Variants in NEO1 observed in about 807,000 individuals in gnomAD.
NEO1 encodes the protein neogenin.
A neutral mutation model predicts 159.7 loss-of-function variants in NEO1; 63 were observed. The observed-to-expected ratio is 0.39, with a 90% confidence interval of 0.32 to 0.49. The LOEUF (loss-of-function observed/expected upper bound fraction) is 0.49, where lower values mean the gene tolerates loss of function less well. NEO1 is among the 20% of genes least tolerant of loss of function. The pLI, the probability that NEO1 is intolerant of heterozygous loss-of-function variation, is 0.85. For synonymous variants in NEO1, 633 were observed against 662.0 expected, an observed-to-expected ratio of 0.96 and a Z score of 0.67; for missense variants, 1,615 against 1,831.0, an observed-to-expected ratio of 0.88 and a Z score of 2.15.
intron 21 of NEO1, among the ~76,000 whole-genome samples, chr15:73,277,233 C>T (rs2041462864): frequency 6.6e-6 from 1 of 152,288 alleles, no homozygotes; most frequent in Middle Eastern, 3.4e-3. Flanking sequence ...TTCTTTCAGA[C>T]CTCTTTTTCA....
intron 26 of NEO1, among the ~76,000 whole-genome samples, chr15:73,296,568 C>G (rs570710042): frequency 2.0e-5 from 3 of 152,308 alleles, no homozygotes; most frequent in Admixed American, 1.3e-4. Flanking sequence ...CACAGATTCA[C>G]TGCTACTTCA....
intron 1 of NEO1, among the ~76,000 whole-genome samples, chr15:73,061,608 A>C (rs1417268438): frequency 1.3e-5 from 2 of 152,198 alleles, no homozygotes; most frequent in African/African-American, 4.8e-5. Flanking sequence ...TGGATTTTTA[A>C]TTTGGGGGTA....
chr15:73,164,215 T>TTG (rs1374727510), intron 5 of NEO1, among the ~76,000 whole-genome samples: 5 of 149,466 alleles, frequency 3.3e-5, no homozygotes, highest in African/African-American at 1.2e-4. Flanking sequence ...TATTGGTTTT[T>TTG]TTTTTTTTTT....
At chr15:73,138,779 A>G (rs898590910) in intron 5 of NEO1, among the ~76,000 whole-genome samples, 5 of 151,034 alleles carry the variant, frequency 3.3e-5, no homozygotes, top group African/African-American at 1.2e-4. Context: ...AAACAAAAAA[A>G]CAAAAAAACA....
chr15:73,075,249 C>T (rs1478323955), intron 1 of NEO1, among the ~76,000 whole-genome samples: 3 of 151,816 alleles, frequency 2.0e-5, no homozygotes, highest in Non-Finnish European at 4.4e-5. Flanking sequence ...TTTGTGGGGG[C>T]GGGAAAGGGA....
intron 1 of NEO1, among the ~76,000 whole-genome samples, chr15:73,103,926 C>T (rs1384175723): frequency 6.6e-6 from 1 of 152,184 alleles, no homozygotes; most frequent in African/African-American, 2.4e-5. Context: ...ATGATCATGG[C>T]TCACTATGTC....
chr15:73,224,500 A>G (rs527930302), intron 7 of NEO1, among the ~76,000 whole-genome samples: 4 of 152,054 alleles, frequency 2.6e-5, no homozygotes, highest in African/African-American at 7.2e-5. Context: ...GGCTTTGTTC[A>G]TATTTTCTTA....
At chr15:73,230,015 C>T (rs1053950856) in intron 7 of NEO1, among the ~76,000 whole-genome samples, 5 of 152,096 alleles carry the variant, frequency 3.3e-5, no homozygotes, top group African/African-American at 1.2e-4. Context: ...GTGTTTCTTT[C>T]TTTTCTTTGT....
At chr15:73,071,846 T>C (rs1246236007) in intron 1 of NEO1, among the ~76,000 whole-genome samples, 1 of 152,150 alleles carries the variant, frequency 6.6e-6, no homozygotes, top group African/African-American at 2.4e-5. Context: ...TCTTTATAAC[T>C]GAATATTGAA....
chr15:73,267,595 G>T (rs2040970544), intron 16 of NEO1, among the ~76,000 whole-genome samples: 1 of 138,968 alleles, frequency 7.2e-6, no homozygotes, highest in East Asian at 2.1e-4. Context: ...GTGTCCATGT[G>T]TTCTCATTGT....
intron 23 of NEO1, among the ~76,000 whole-genome samples, chr15:73,285,604 A>G (rs2037956096): frequency 6.6e-6 from 1 of 151,836 alleles, no homozygotes; most frequent in African/African-American, 2.4e-5. Context: ...TTTTCTTCCT[A>G]CTTTTCTTCC....
chr15:73,130,703 A>G (rs2030997123), intron 4 of NEO1, among the ~76,000 whole-genome samples: 2 of 152,182 alleles, frequency 1.3e-5, no homozygotes, highest in Admixed American at 1.3e-4. Flanking sequence ...GGCCCCTCCC[A>G]TGTAAGTAGA....
intron 8 of NEO1, among the ~76,000 whole-genome samples, chr15:73,237,572 T>C (rs2039247389): frequency 2.6e-5 from 4 of 152,220 alleles, no homozygotes; most frequent in African/African-American, 9.6e-5. Context: ...TACATTGTAG[T>C]TAATACCAGA....
rs375792572 is a variant in NEO1, at chr15:73,203,695, G to T, written c.1291+25268G>T. ...GTTTTTAACTAACCTAGGTTCTTAA[G>T]ACAACACTATACTGCTTCATTTGTA... On this transcript the variant is annotated intron_variant, in intron 7 of 28. Coordinates refer to ENST00000261908, the MANE Select transcript of NEO1 (RefSeq NM_002499.4). Among the ~76,000 whole-genome samples, 55 of 152,102 alleles carry T rather than the reference G, an allele frequency of 3.6e-4. 1 individual carries two copies. In the East Asian group the frequency reaches 8.7e-3, roughly 24 times the overall value.
intron 1 of NEO1, among the ~76,000 whole-genome samples, chr15:73,083,749 A>G (rs1213716577): frequency 6.6e-6 from 1 of 152,112 alleles, no homozygotes; most frequent in Non-Finnish European, 1.5e-5. Flanking sequence ...CCTTATTACT[A>G]GCTGTATGGC....
In NEO1 at chr15:73,290,043, G is replaced by A. The variant is rs185268934; in HGVS notation, c.3742+805G>A. On this transcript the variant is annotated intron_variant, in intron 25 of 28. Coordinates refer to ENST00000261908, the MANE Select transcript of NEO1 (RefSeq NM_002499.4). ...TGAGGCTACCCAGGAGGCTGAGATGGAAGGATTACTTGAACCCAGCGTTTA... is the reference window on the plus strand; with the variant it reads ...TGAGGCTACCCAGGAGGCTGAGATGAAAGGATTACTTGAACCCAGCGTTTA... Among the ~76,000 whole-genome samples the A allele has an allele frequency of 8.8e-3, 1,339 of 152,158 alleles. 11 individuals carry two copies. The highest frequency in any genetic ancestry group is 0.027 in the Middle Eastern group (8 of 294).
At position 73,303,737 on chromosome 15, in the gene NEO1, G is replaced by A. The variant is rs935011013; in HGVS notation, c.*1041G>A. 2 of 152,182 alleles carry A rather than the reference G, an allele frequency of 1.3e-5. No individual in the cohort carries two copies. Among genetic ancestry groups the A allele is most frequent in the Non-Finnish European group, 2.9e-5 (2 of 68,038 alleles). 9.4% of individuals were successfully genotyped at this position (152,182 alleles called of 1,614,324 possible). ...GCCCTGATGTCTTGGTCATAGCCTG[G>A]TAAGAATGTCCATGCTGAGGAGCCA... On this transcript the variant is annotated 3_prime_UTR_variant, in exon 29 of 29. Transcript: ENST00000261908.
In NEO1 at chr15:73,266,115, G is replaced by A. The variant is rs1273569663; in HGVS notation, c.2399-201G>A. On this transcript the variant is annotated intron_variant, in intron 15 of 28. Transcript: ENST00000261908. The stretch of plus-strand genomic sequence containing the variant: ...CACCTCCTCTACTGAGACTAAATCC[G>A]GGAAGTTGGTCCCAGCCAGTTTTTC... Among the ~76,000 whole-genome samples, 7 of 152,196 alleles carry A rather than the reference G, an allele frequency of 4.6e-5. No homozygotes were observed. The South Asian group carries it at 8.3e-4, about 18-fold the overall frequency.
intron 24 of NEO1, 33 bp downstream of exon 24, chr15:73,288,584 G>T: frequency 1.9e-6 from 3 of 1,542,844 alleles, no homozygotes; most frequent in Non-Finnish European, 2.7e-6. Flanking sequence ...TTTCTCAAAT[G>T]TTAGGAAACT....
Sources: allele counts gnomAD v4.1 joint callset (sites outside exome capture counted in the v4.1 genomes callset), GRCh38; gene constraint gnomAD v4.1.1; transcripts MANE v1.5; gene names NCBI Gene and HGNC (gene_info 2026-07-23, HGNC 2026-07-21).